FHIT: variants seen among roughly 807,000 people sequenced by gnomAD.
FHIT encodes the protein fragile histidine triad diadenosine triphosphatase, also known as bis(5'-adenosyl)-triphosphatase.
A neutral mutation model predicts 17.9 loss-of-function variants in FHIT; 19 were observed. The observed-to-expected ratio is 1.06, with a 90% CI of 0.74 to 1.56. FHIT has a LOEUF of 1.56. FHIT is among the 40% of genes most tolerant of loss of function. The pLI is 0.00. For missense variants in FHIT, 248 were observed against 189.2 expected (o/e 1.31, Z -1.82); for synonymous variants, 81 against 69.7 (o/e 1.16, Z -0.81).
At chr3:61,073,043 C>A (rs1259222508) in intron 2 of FHIT, among the ~76,000 whole-genome samples, 1 of 152,074 alleles carries the variant, frequency 6.6e-6, no homozygotes, top group Non-Finnish European at 1.5e-5. Flanking sequence ...CAAGGAAAGA[C>A]ATGTGCTGTA....
At chr3:60,114,926 G>C (rs1187734884) in intron 5 of FHIT, among the ~76,000 whole-genome samples, 2 of 152,126 alleles carry the variant, frequency 1.3e-5, no homozygotes, top group Non-Finnish European at 2.9e-5. Context: ...GCCGCTGTCT[G>C]ATAAAAGTTG....
chr3:61,036,755 T>C (rs1193078382), intron 3 of FHIT, among the ~76,000 whole-genome samples: 2 of 152,126 alleles, frequency 1.3e-5, no homozygotes, highest in Admixed American at 6.5e-5. Context: ...TTTAAACCGG[T>C]GAGCACAATA....
chr3:59,835,832 G>A (rs539021415), intron 8 of FHIT, among the ~76,000 whole-genome samples: 2 of 152,254 alleles, frequency 1.3e-5, no homozygotes, highest in South Asian at 4.1e-4. Context: ...AAGATCTGGA[G>A]GGAATTGAAT....
chr3:61,088,008 A>G (rs760971044), intron 2 of FHIT, among the ~76,000 whole-genome samples: 3 of 152,178 alleles, frequency 2.0e-5, no homozygotes, highest in Admixed American at 6.5e-5. Flanking sequence ...GAGCACTGCT[A>G]TTTGAATGAC....
intron 8 of FHIT, among the ~76,000 whole-genome samples, chr3:59,816,133 C>T (rs6769366): frequency 1.3e-5 from 2 of 152,086 alleles, no homozygotes; most frequent in Admixed American, 1.3e-4. Flanking sequence ...CAGAGAGTGA[C>T]AGCCAAGACT....
intron 3 of FHIT, among the ~76,000 whole-genome samples, chr3:60,830,605 G>C (rs530937317): frequency 1.3e-5 from 2 of 152,320 alleles, no homozygotes; most frequent in East Asian, 3.9e-4. Flanking sequence ...AAATATATTT[G>C]TAATTCTATA....
chr3:60,065,612 A>G (rs1187079200), intron 5 of FHIT, among the ~76,000 whole-genome samples: 1 of 152,220 alleles, frequency 6.6e-6, no homozygotes, highest in Non-Finnish European at 1.5e-5. Context: ...ACAGCAAGAA[A>G]GTGAGACCTA....
At chr3:59,781,488 T>C (rs1003197779) in intron 8 of FHIT, among the ~76,000 whole-genome samples, 1 of 152,228 alleles carries the variant, frequency 6.6e-6, no homozygotes, top group African/African-American at 2.4e-5. Context: ...GTTTGACCTT[T>C]AGCTAAAGTT....
chr3:60,275,750 T>A (rs1052163288), intron 5 of FHIT, among the ~76,000 whole-genome samples: 3 of 152,184 alleles, frequency 2.0e-5, no homozygotes, highest in African/African-American at 7.2e-5. Flanking sequence ...AAAGTTCTTA[T>A]AAAGGAGAGT....
chr3:60,058,282 T>C lies in FHIT; in HGVS notation c.104-44130A>G, dbSNP rs79970064. Among the ~76,000 whole-genome samples, 170 of 151,670 alleles carry C rather than the reference T, an allele frequency of 1.1e-3. 2 individuals are homozygous for C. In the East Asian group the frequency reaches 0.024, roughly 22 times the overall value. On this transcript the variant is annotated intron_variant, in intron 5 of 9. Transcript: ENST00000492590. ...GCCTCAGCCTCCTGAGTAGCTGGGA[T>C]TACATGCCCAGCTAATTTTTGTATT...
intron 4 of FHIT, among the ~76,000 whole-genome samples, chr3:60,621,363 C>A (rs1465166741): frequency 1.3e-5 from 2 of 151,794 alleles, no homozygotes. Flanking sequence ...AATGGCCAGG[C>A]TGGTCTCGAA....
intron 4 of FHIT, among the ~76,000 whole-genome samples, chr3:60,609,556 A>G (rs1438899801): frequency 6.6e-6 from 1 of 151,916 alleles, no homozygotes; most frequent in African/African-American, 2.4e-5. Context: ...TGAACTCCTG[A>G]CCTTGTGACT....
chr3:60,698,380 T>C (rs2041162621), intron 4 of FHIT, among the ~76,000 whole-genome samples: 1 of 152,160 alleles, frequency 6.6e-6, no homozygotes, highest in Non-Finnish European at 1.5e-5. Flanking sequence ...CCTTCAGTCA[T>C]GACATTTGGC....
At chr3:60,150,650 G>A (rs953755307) in intron 5 of FHIT, among the ~76,000 whole-genome samples, 26 of 152,148 alleles carry the variant, frequency 1.7e-4, no homozygotes, top group African/African-American at 5.3e-4. Flanking sequence ...GGGTGCAGTC[G>A]CTCACACCTG....
chr3:59,927,999 T>A (rs539208724), intron 7 of FHIT, among the ~76,000 whole-genome samples: 1 of 152,316 alleles, frequency 6.6e-6, no homozygotes, highest in African/African-American at 2.4e-5. Flanking sequence ...CAGAATATAT[T>A]GTAATTCAAT....
chr3:60,160,224 G>C (rs140312161), intron 5 of FHIT, among the ~76,000 whole-genome samples: 50 of 152,162 alleles, frequency 3.3e-4, no homozygotes, highest in Non-Finnish European at 6.8e-4. Context: ...AGAGGGAAGA[G>C]GAAAAGGTAG....
chr3:59,793,064 T>C (rs1559610935), intron 8 of FHIT, among the ~76,000 whole-genome samples: 1 of 152,114 alleles, frequency 6.6e-6, no homozygotes, highest in Non-Finnish European at 1.5e-5. Context: ...CAGATCATCA[T>C]TTTCTTTACC....
chr3:59,963,898 A>G (rs1303320805), intron 7 of FHIT, among the ~76,000 whole-genome samples: 1 of 152,240 alleles, frequency 6.6e-6, no homozygotes, highest in Non-Finnish European at 1.5e-5. Context: ...GTAAACTAAT[A>G]AACAGATGCA....
chr3:59,946,790 T>G (rs562195678), intron 7 of FHIT, among the ~76,000 whole-genome samples: 1 of 152,322 alleles, frequency 6.6e-6, no homozygotes, highest in South Asian at 2.1e-4. Context: ...TTGTTTTTAG[T>G]TCTGTTTTTG....
Sources: allele counts gnomAD v4.1 joint callset (sites outside exome capture counted in the v4.1 genomes callset), GRCh38; gene constraint gnomAD v4.1.1; transcripts MANE v1.5; gene names NCBI Gene and HGNC (gene_info 2026-07-23, HGNC 2026-07-21).